The following ASTN2 variants were observed in gnomAD, a reference collection of about 807,000 sequenced individuals.
The protein encoded by ASTN2 is astrotactin 2, also known as astrotactin-2.
ASTN2 carries 54 observed loss-of-function variants against 139.8 expected under a neutral mutation model. That is an observed-to-expected ratio of 0.39 (90% CI 0.31 to 0.48). The LOEUF (loss-of-function observed/expected upper bound fraction) is 0.48, where lower values mean the gene tolerates loss of function less well. ASTN2 is among the 20% of genes least tolerant of loss of function. The pLI is 0.95. For missense variants in ASTN2, 1,565 were observed against 1,725.1 expected, an observed-to-expected ratio of 0.91 and a Z score of 1.64; for synonymous variants, 756 against 719.5, an observed-to-expected ratio of 1.05 and a Z score of -0.81.
At chr9:116,647,807 G>A (rs1243316829) in intron 17 of ASTN2, among the ~76,000 whole-genome samples, 2 of 152,040 alleles carry the variant, frequency 1.3e-5, no homozygotes, top group African/African-American at 4.8e-5. Context: ...GAACCACTAG[G>A]TATTTTTATT....
chr9:116,896,703 G>A (rs1467866998), intron 10 of ASTN2, among the ~76,000 whole-genome samples: 2 of 152,186 alleles, frequency 1.3e-5, no homozygotes, highest in African/African-American at 2.4e-5. Flanking sequence ...TTACAATCAT[G>A]GCAGAAGGGG....
intron 20 of ASTN2, among the ~76,000 whole-genome samples, chr9:116,457,852 T>C (rs531655707): frequency 6.6e-6 from 1 of 152,144 alleles, no homozygotes; most frequent in African/African-American, 2.4e-5. Flanking sequence ...AGGAAAGGTA[T>C]ACACCCAAAA....
intron 5 of ASTN2, among the ~76,000 whole-genome samples, chr9:117,055,574 G>A (rs574404624): frequency 1.8e-4 from 27 of 152,316 alleles, no homozygotes; most frequent in Admixed American, 5.2e-4. Flanking sequence ...AAGAAATCTC[G>A]TTGAGCAAAG....
At chr9:116,963,395 G>A (rs1835921651) in intron 10 of ASTN2, among the ~76,000 whole-genome samples, 1 of 152,164 alleles carries the variant, frequency 6.6e-6, no homozygotes, top group Non-Finnish European at 1.5e-5. Context: ...AGATCAGAGG[G>A]TATTATGGCC....
At chr9:117,396,846 G>T (rs557766722) in intron 1 of ASTN2, among the ~76,000 whole-genome samples, 1 of 151,918 alleles carries the variant, frequency 6.6e-6, no homozygotes, top group South Asian at 2.1e-4. Context: ...GATTACAGGC[G>T]TGAGCCACCA....
At chr9:116,935,621 G>T (rs545695137) in intron 10 of ASTN2, among the ~76,000 whole-genome samples, 2 of 152,208 alleles carry the variant, frequency 1.3e-5, no homozygotes, top group African/African-American at 4.8e-5. Context: ...CACTGGTCTT[G>T]CCATCTGGCA....
chr9:116,783,742 C>T (rs7030327), intron 13 of ASTN2, among the ~76,000 whole-genome samples: 9 of 151,750 alleles, frequency 5.9e-5, no homozygotes, highest in Non-Finnish European at 7.4e-5. Flanking sequence ...AGAAGGAAGG[C>T]GAAATATAGG....
intron 3 of ASTN2, among the ~76,000 whole-genome samples, chr9:117,201,797 G>T (rs1164038072): frequency 1.3e-5 from 2 of 152,164 alleles, no homozygotes; most frequent in African/African-American, 4.8e-5. Flanking sequence ...ATGTGGCACT[G>T]AGAAGAATGT....
chr9:116,550,310 T>A (rs898762439), intron 19 of ASTN2, among the ~76,000 whole-genome samples: 1 of 152,202 alleles, frequency 6.6e-6, no homozygotes, highest in Admixed American at 6.5e-5. Context: ...AAGCACAGTA[T>A]CTTCATCTGC....
chr9:117,120,018 G>GTGTGTACATATATA (rs1306397698), intron 4 of ASTN2, among the ~76,000 whole-genome samples: 14 of 46,000 alleles, frequency 3.0e-4, no homozygotes, highest in Admixed American at 2.1e-3. Context: ...GTGTGTGTGT[G>GTGTGTACATATATA]TATATATATA....
rs368189490 is a variant in ASTN2 at position 117,298,732 on chromosome 9, G to GTA, written c.443-7221_443-7220dup. Among the ~76,000 whole-genome samples, 128 of 111,974 alleles carry GTA rather than the reference G, an allele frequency of 1.1e-3. 1 individual carries two copies. Among genetic ancestry groups the GTA allele is most frequent in the African/African-American group, 3.2e-3 (106 of 32,974 alleles). 73.5% of individuals were successfully genotyped at this position (111,974 alleles called of 152,430 possible). A position where few individuals can be genotyped will look rare whatever the true frequency, so the allele number is the denominator to read the frequency against. On this transcript the variant is annotated intron_variant, in intron 1 of 22. Coordinates refer to ENST00000313400, the MANE Select transcript of ASTN2 (RefSeq NM_001365068.1). Reference sequence around the variant, plus strand: ...TGTGTGTGTGTGTGTGTGTGTGTGTGTATATATATATATCTTAAAATAGTC... The same window carrying GTA: ...TGTGTGTGTGTGTGTGTGTGTGTGTGTATATATATATATATCTTAAAATAGTC...
At chr9:117,075,514 G>C (rs1265380282) in intron 5 of ASTN2, among the ~76,000 whole-genome samples, 1 of 151,714 alleles carries the variant, frequency 6.6e-6, no homozygotes, top group African/African-American at 2.4e-5. Context: ...GGGAGGAGGA[G>C]GAGGGGGCAG....
intron 17 of ASTN2, among the ~76,000 whole-genome samples, chr9:116,625,152 T>A (rs1856379610): frequency 6.6e-6 from 1 of 152,076 alleles, no homozygotes; most frequent in South Asian, 2.1e-4. Flanking sequence ...ACCTCCCAGC[T>A]GGGCACAGTG....
intron 13 of ASTN2, among the ~76,000 whole-genome samples, chr9:116,801,535 T>C (rs1374608080): frequency 8.3e-6 from 1 of 120,180 alleles, no homozygotes; most frequent in Non-Finnish European, 1.6e-5. Flanking sequence ...GCCAAGATCA[T>C]GTCACTGCAC....
chr9:116,542,200 A>G (rs1393772875), intron 19 of ASTN2, among the ~76,000 whole-genome samples: 3 of 152,230 alleles, frequency 2.0e-5, no homozygotes, highest in Admixed American at 2.0e-4. Flanking sequence ...TAAATCTTTT[A>G]TAAATAACTT....
At chr9:116,534,400 C>T (rs1851514811) in intron 19 of ASTN2, among the ~76,000 whole-genome samples, 1 of 152,224 alleles carries the variant, frequency 6.6e-6, no homozygotes, top group Non-Finnish European at 1.5e-5. Flanking sequence ...TTGCCTTCTG[C>T]TAGTTTTTGA....
intron 20 of ASTN2, among the ~76,000 whole-genome samples, chr9:116,453,403 C>A (rs1037927069): frequency 6.6e-6 from 1 of 151,346 alleles, no homozygotes; most frequent in Non-Finnish European, 1.5e-5. Context: ...ACCATCCTGG[C>A]TAACACGGTG....
chr9:117,332,647 C>T (rs190842907), intron 1 of ASTN2, among the ~76,000 whole-genome samples: 5 of 152,102 alleles, frequency 3.3e-5, no homozygotes, highest in African/African-American at 1.2e-4. Flanking sequence ...GGCTTGGGGG[C>T]TTAAGTCACT....
At chr9:117,028,297 G>A (rs1838153620) in intron 6 of ASTN2, among the ~76,000 whole-genome samples, 1 of 152,176 alleles carries the variant, frequency 6.6e-6, no homozygotes, top group Non-Finnish European at 1.5e-5. Flanking sequence ...TCAGAAAGTT[G>A]CCAAGAGCTT....
Sources: allele counts gnomAD v4.1 joint callset (sites outside exome capture counted in the v4.1 genomes callset), GRCh38; gene constraint gnomAD v4.1.1; transcripts MANE v1.5; gene names NCBI Gene and HGNC (gene_info 2026-07-23, HGNC 2026-07-21).